The following PEX14 variants were observed in gnomAD, a reference collection of about 807,000 sequenced individuals.
PEX14 encodes the protein peroxisomal biogenesis factor 14, also known as peroxisomal membrane protein PEX14.
A neutral mutation model predicts 49.5 loss-of-function variants in PEX14; 15 were observed. The ratio of observed to expected loss-of-function variants is 0.30; its 90% confidence interval spans 0.20 to 0.47. The LOEUF (loss-of-function observed/expected upper bound fraction) is 0.47, where lower values mean the gene tolerates loss of function less well. Ranked by LOEUF, PEX14 falls within the 20% of genes least tolerant of loss-of-function variation. The pLI is 1.00. For synonymous variants in PEX14, 210 were observed against 212.7 expected (o/e 0.99, Z 0.11); for missense variants, 398 against 494.8 (o/e 0.80, Z 1.86).
intron 2 of PEX14, among the ~76,000 whole-genome samples, chr1:10,534,002 A>T (rs1455622089): frequency 1.3e-5 from 2 of 152,212 alleles, no homozygotes; most frequent in African/African-American, 2.4e-5. Context: ...TGTGTGTTCC[A>T]GTGGTGGGAT....
intron 3 of PEX14, among the ~76,000 whole-genome samples, chr1:10,590,121 C>T (rs945263177): frequency 1.4e-4 from 21 of 152,196 alleles, no homozygotes; most frequent in African/African-American, 4.1e-4. Context: ...TGTCTGTGAG[C>T]CTCAGGCTCT....
At chr1:10,599,166 A>C in intron 3 of PEX14, 72 bp from the exon 4 acceptor site, 1 of 1,506,320 alleles carries the variant, frequency 6.6e-7, no homozygotes, top group Non-Finnish European at 9.2e-7. Flanking sequence ...GTCTTTGCTC[A>C]GTGAAGATTC....
intron 3 of PEX14, among the ~76,000 whole-genome samples, chr1:10,568,067 T>C (rs553615760): frequency 6.6e-6 from 1 of 152,354 alleles, no homozygotes; most frequent in East Asian, 1.9e-4. Flanking sequence ...TTGTTTATGG[T>C]ACGTTAATTC....
At chr1:10,479,369 C>T (rs1232847840) in intron 1 of PEX14, among the ~76,000 whole-genome samples, 2 of 151,848 alleles carry the variant, frequency 1.3e-5, no homozygotes, top group Non-Finnish European at 2.9e-5. Context: ...AGAGCAATAC[C>T]CTGTTTGGGG....
rs994762825 is a variant in PEX14 at position 10,565,137 on chromosome 1, C to T, written c.169+28840C>T. Among the ~76,000 whole-genome samples, 10 of 152,198 alleles carry T rather than the reference C, an allele frequency of 6.6e-5. No homozygotes were observed. In the South Asian group the frequency reaches 8.3e-4, roughly 13 times the overall value. On this transcript the variant is annotated intron_variant, in intron 3 of 8. Transcript: ENST00000356607. Reference sequence around the variant, plus strand: ...CAGGCTGGTCTCGAACTCCTGACCTCGTGATCTGCCCGCCTCGGCCTCCCA... The same window carrying T: ...CAGGCTGGTCTCGAACTCCTGACCTTGTGATCTGCCCGCCTCGGCCTCCCA...
chr1:10,606,286 T>C (rs941400315), intron 4 of PEX14, among the ~76,000 whole-genome samples: 2 of 152,234 alleles, frequency 1.3e-5, no homozygotes, highest in African/African-American at 4.8e-5. Context: ...CAGCTCCAAC[T>C]ATCCCACCTG....
intron 2 of PEX14, 94 bp from the exon 3 acceptor site, chr1:10,536,119 C>T: frequency 1.2e-6 from 1 of 815,634 alleles, no homozygotes; most frequent in South Asian, 1.4e-5. Flanking sequence ...GTATGCTTGT[C>T]TCTGTGGAGC....
intron 3 of PEX14, among the ~76,000 whole-genome samples, chr1:10,588,360 T>C (rs2124583295): frequency 6.6e-6 from 1 of 152,222 alleles, no homozygotes; most frequent in East Asian, 1.9e-4. Flanking sequence ...GCTTTTTATA[T>C]AAGAAGCTTT....
At chr1:10,603,431 C>T (rs1241884338) in intron 4 of PEX14, among the ~76,000 whole-genome samples, 1 of 151,792 alleles carries the variant, frequency 6.6e-6, no homozygotes, top group Admixed American at 6.6e-5. Flanking sequence ...GGGCTAGAGT[C>T]AGGGAAGGCT....
At chr1:10,624,584 C>A in intron 7 of PEX14, 147 bp downstream of exon 7, 2 of 684,686 alleles carry the variant, frequency 2.9e-6, no homozygotes, top group Admixed American at 2.1e-5. Context: ...CCGATGCTGC[C>A]CTTTCTCTCC....
chr1:10,574,084 A>G (rs1640055945), intron 3 of PEX14, among the ~76,000 whole-genome samples: 1 of 152,236 alleles, frequency 6.6e-6, no homozygotes, highest in African/African-American at 2.4e-5. Context: ...CCTGGGTGAC[A>G]GAGTGAGATT....
chr1:10,571,972 A>G (rs748742377), intron 3 of PEX14, among the ~76,000 whole-genome samples: 3 of 152,192 alleles, frequency 2.0e-5, no homozygotes, highest in Non-Finnish European at 2.9e-5. Flanking sequence ...AGTTTGTAGG[A>G]TATCTGGAAA....
intron 3 of PEX14, among the ~76,000 whole-genome samples, chr1:10,549,710 G>C (rs1169786599): frequency 6.6e-6 from 1 of 152,164 alleles, no homozygotes; most frequent in East Asian, 1.9e-4. Flanking sequence ...TGTGTTGGTT[G>C]AACATCCCTA....
chr1:10,629,731 T>C lies in PEX14; in HGVS notation c.878T>C (p.Leu293Pro). ...GGCTCCACGGTCACCTACCACTTGCTGGGCCCCCAGGAGGAAGGCGAGGGG... is the reference window on the plus strand; with the variant it reads ...GGCTCCACGGTCACCTACCACTTGCCGGGCCCCCAGGAGGAAGGCGAGGGG... ...PEGSTVTYHL[L>P]GPQEEGEGVV... Residue 293 changes from leucine (L) to proline (P), a missense_variant, in exon 9 of 9, where the codon CTG becomes CCG. Coordinates refer to ENST00000356607, the MANE Select transcript of PEX14 (RefSeq NM_004565.3). The surrounding 1 kb of genome is among the most constrained non-coding windows in gnomAD (Gnocchi z 8.5). The C allele has an allele frequency of 1.9e-6, 3 of 1,600,468 alleles. No individual in the cohort carries two copies. The highest frequency in any genetic ancestry group is 2.6e-6 in the Non-Finnish European group (3 of 1,173,478).
rs139797106 is a variant in PEX14 at position 10,536,221 on chromosome 1, G to A, written c.93G>A (p.Thr31=). 1.2e-5 allele frequency: 19 copies of A among 1,603,902 alleles called. No individual in the cohort carries two copies. Among genetic ancestry groups the A allele is most frequent in the African/African-American group, 8.0e-5 (6 of 74,682 alleles). The part of the protein sequence containing the change: ...NVLPREPLIA[T]AVKFLQNSRV... ...TTTCTCTCTCTCACCAGATTGCCACGGCAGTGAAGTTTCTACAGAATTCCC... is the reference window on the plus strand; with the variant it reads ...TTTCTCTCTCTCACCAGATTGCCACAGCAGTGAAGTTTCTACAGAATTCCC... The change falls in exon 3 of 9, where the codon ACG becomes ACA. Residue 31 remains threonine, a synonymous_variant. Transcript: ENST00000356607.
At chr1:10,475,202 C>G (rs1479835585) in intron 1 of PEX14, among the ~76,000 whole-genome samples, 200 bp downstream of exon 1, 5 of 150,432 alleles carry the variant, frequency 3.3e-5, no homozygotes, top group Admixed American at 2.0e-4. Flanking sequence ...GACCACATTC[C>G]GGAGCCCGGG....
At chr1:10,607,185 T>G (rs1359825530) in intron 4 of PEX14, among the ~76,000 whole-genome samples, 1 of 152,204 alleles carries the variant, frequency 6.6e-6, no homozygotes, top group Non-Finnish European at 1.5e-5. Flanking sequence ...CAGCGTAGTG[T>G]TGCCGAGATT....
rs556991043 is a variant in PEX14 at position 10,627,176 on chromosome 1, C to T, written c.586-96C>T. ...GGTTCCCCAGAACAGACCCAGAAGG[C>T]CCCACCTGCTGCCCCCACCCAGGTC... On this transcript the variant is annotated intron_variant, in intron 7 of 8. Transcript: ENST00000356607. 6 of 823,896 alleles carry T rather than the reference C, an allele frequency of 7.3e-6. No individual in the cohort carries two copies. The African/African-American group carries it at 8.3e-5, about 11-fold the overall frequency. 51.0% of individuals were successfully genotyped at this position (823,896 alleles called of 1,614,324 possible).
intron 3 of PEX14, among the ~76,000 whole-genome samples, chr1:10,543,660 G>A (rs1570241296): frequency 1.3e-5 from 2 of 152,248 alleles, no homozygotes; most frequent in East Asian, 3.9e-4. Context: ...AGGCTGGAAT[G>A]TAATGGCATG....
Sources: gnomAD v4.1 joint callset for allele counts (sites outside exome capture counted in the v4.1 genomes callset) on GRCh38, gnomAD v4.1.1 for gene constraint, Gnocchi (gnomAD v3.1) non-coding constraint, MANE v1.5 for transcripts, NCBI Gene and HGNC (gene_info 2026-07-23, HGNC 2026-07-21) for gene names.